Variants in TIMM23B observed in about 807,000 individuals in gnomAD.
TIMM23B encodes mitochondrial import inner membrane translocase subunit Tim23B.
TIMM23B carries 27 observed loss-of-function variants against 27.3 expected under a neutral mutation model. That is an observed-to-expected ratio of 0.99 (90% confidence interval 0.73 to 1.36). The LOEUF (loss-of-function observed/expected upper bound fraction) is 1.36, where lower values mean the gene tolerates loss of function less well. Among genes scored for constraint, TIMM23B ranks in the 40% most tolerant of loss-of-function variants. The pLI, the probability that TIMM23B is intolerant of heterozygous loss-of-function variation, is 0.00. For missense variants in TIMM23B, 205 were observed against 244.2 expected (o/e 0.84, Z 1.07); for synonymous variants, 73 against 92.4 (o/e 0.79, Z 1.21).
intron 6 of TIMM23B, among the ~76,000 whole-genome samples, chr10:49,964,043 A>C (rs2132047208): frequency 6.6e-6 from 1 of 152,010 alleles, no homozygotes; most frequent in East Asian, 1.9e-4. Context: ...CAGCCTGGGC[A>C]ATGCAGCAAG....
chr10:49,971,641 T>C (rs1840454884), intron 6 of TIMM23B, among the ~76,000 whole-genome samples: 1 of 152,208 alleles, frequency 6.6e-6, no homozygotes, highest in African/African-American at 2.4e-5. Flanking sequence ...GTATTGCCAT[T>C]GAGCATATGC....
chr10:49,952,742 T>C (rs1187437246), intron 4 of TIMM23B, among the ~76,000 whole-genome samples: 2 of 148,196 alleles, frequency 1.3e-5, no homozygotes, highest in Non-Finnish European at 3.0e-5. Context: ...TTTTAATCAG[T>C]GTCCCTCAAT....
intron 6 of TIMM23B, among the ~76,000 whole-genome samples, chr10:49,971,907 G>A (rs1277541951): frequency 6.6e-6 from 1 of 152,112 alleles, no homozygotes; most frequent in Non-Finnish European, 1.5e-5. Flanking sequence ...TAGCTGAAAA[G>A]GTATGAACAC....
chr10:49,962,096 A>G (rs1839937329), intron 6 of TIMM23B, among the ~76,000 whole-genome samples: 1 of 151,696 alleles, frequency 6.6e-6, no homozygotes, highest in Non-Finnish European at 1.5e-5. Flanking sequence ...CGTTAGGAGA[A>G]TTATGAAACT....
intron 4 of TIMM23B, among the ~76,000 whole-genome samples, chr10:49,953,779 G>A (rs1839618618): frequency 6.6e-6 from 1 of 151,994 alleles, no homozygotes. Context: ...AGGGAATTTT[G>A]AATATATAAA....
intron 1 of TIMM23B, 122 bp downstream of exon 1, chr10:49,942,422 A>C: frequency 3.3e-6 from 5 of 1,525,728 alleles, no homozygotes; most frequent in Non-Finnish European, 4.4e-6. Flanking sequence ...AAGCTTAAGT[A>C]CCAGTGGTGG....
chr10:49,956,426 C>CGTGTGTGTGTGTGTGTGTGT, intron 5 of TIMM23B, among the ~76,000 whole-genome samples: 1 of 113,966 alleles, frequency 8.8e-6, no homozygotes, highest in African/African-American at 2.9e-5. Context: ...ACTAGAAATA[C>CGTGTGTGTGTGTGTGTGTGT]GTGTGTGTGT....
chr10:49,960,084 G>A (rs1839847849), intron 6 of TIMM23B, among the ~76,000 whole-genome samples: 1 of 146,232 alleles, frequency 6.8e-6, no homozygotes, highest in South Asian at 2.2e-4. Context: ...GTCTCACTCT[G>A]TCATCCAGGC....
At position 49,944,956 on chromosome 10, in the gene TIMM23B, A is replaced by G. The variant is rs1254108272; in HGVS notation, c.107-76A>G. The G allele has an allele frequency of 5.3e-5, 84 of 1,570,754 alleles. 1 individual carries two copies. Among genetic ancestry groups the G allele is most frequent in the Non-Finnish European group, 7.1e-5 (82 of 1,147,184 alleles). ...ATAAAAATTGCAAACACATGTAACA[A>G]TCAGGAGCTGGATTAACTCTAACTG... is the stretch of plus-strand genomic sequence containing the variant. On this transcript the variant is annotated intron_variant, in intron 1 of 6. Transcript: ENST00000651259.
intron 5 of TIMM23B, among the ~76,000 whole-genome samples, chr10:49,955,411 G>C (rs1485216908): frequency 2.0e-5 from 3 of 152,212 alleles, no homozygotes; most frequent in Admixed American, 2.0e-4. Flanking sequence ...AGGTCCTGTA[G>C]TGATACATGA....
At chr10:49,945,314 T>G (rs1839320651) in intron 2 of TIMM23B, among the ~76,000 whole-genome samples, 1 of 152,162 alleles carries the variant, frequency 6.6e-6, no homozygotes, top group South Asian at 2.1e-4. Flanking sequence ...CAGAATTAAT[T>G]TTTGAAAGCA....
chr10:49,949,197 CTTT>C (rs1318050672), intron 2 of TIMM23B, among the ~76,000 whole-genome samples: 2 of 106,580 alleles, frequency 1.9e-5, no homozygotes, highest in African/African-American at 3.5e-5. Context: ...CATGCCTGGC[CTTT>C]TTTTTTTTTT....
At chr10:49,948,557 A>T (rs1554913560) in intron 2 of TIMM23B, among the ~76,000 whole-genome samples, 1 of 152,270 alleles carries the variant, frequency 6.6e-6, no homozygotes, top group East Asian at 1.9e-4. Flanking sequence ...CTATTAAATT[A>T]TGCTACAATA....
intron 6 of TIMM23B, among the ~76,000 whole-genome samples, chr10:49,972,497 AT>A (rs1840496076): frequency 6.7e-6 from 1 of 148,718 alleles, no homozygotes; most frequent in Non-Finnish European, 1.5e-5. Context: ...CTTGACTGTT[AT>A]GTTTTACTTG....
chr10:49,956,389 C>CT (rs1182381490), intron 5 of TIMM23B, among the ~76,000 whole-genome samples: 2 of 143,288 alleles, frequency 1.4e-5, no homozygotes, highest in South Asian at 2.3e-4. Flanking sequence ...TCAAACCTCA[C>CT]TTTTTTTTTA....
At chr10:49,952,587 G>C in intron 4 of TIMM23B, 54 bp downstream of exon 4, 1 of 1,602,242 alleles carries the variant, frequency 6.2e-7, no homozygotes. Flanking sequence ...AAGCTCTGTT[G>C]TATTGGTTTG....
At chr10:49,966,040 A>G (rs556900275) in intron 6 of TIMM23B, among the ~76,000 whole-genome samples, 35 of 146,248 alleles carry the variant, frequency 2.4e-4, no homozygotes, top group African/African-American at 8.5e-4. Flanking sequence ...CCTGGGTGAT[A>G]GAGCGAGTCT....
intron 6 of TIMM23B, among the ~76,000 whole-genome samples, chr10:49,966,609 T>C (rs1840172388): frequency 6.6e-6 from 1 of 152,076 alleles, no homozygotes; most frequent in Non-Finnish European, 1.5e-5. Context: ...GTGGATCACC[T>C]GAGGTCAGGA....
Position 49,954,153 on chromosome 10 carries a change from A to G in TIMM23B, c.345-849A>G, listed in dbSNP as rs1332065676. 7.8e-3 allele frequency: 1,263 copies of G among 162,340 alleles called. 8 individuals are homozygous for G. The highest frequency in any genetic ancestry group is 9.4e-3 in the Non-Finnish European group (695 of 74,328). 10.1% of individuals were successfully genotyped at this position (162,340 alleles called of 1,614,324 possible). On this transcript the variant is annotated intron_variant, in intron 4 of 6. Transcript: ENST00000651259. Reference sequence around the variant, plus strand: ...TTTTGTTTCTGTAGAACGTTAATTGAGTCGTTTAATAATTAAACTGAATGA... The same window carrying G: ...TTTTGTTTCTGTAGAACGTTAATTGGGTCGTTTAATAATTAAACTGAATGA...
Sources: gnomAD v4.1 joint callset for allele counts (sites outside exome capture counted in the v4.1 genomes callset) on GRCh38, gnomAD v4.1.1 for gene constraint, MANE v1.5 for transcripts, NCBI Gene and HGNC (gene_info 2026-07-23, HGNC 2026-07-21) for gene names.